The following CFAP46 variants were observed in gnomAD, a reference collection of about 807,000 sequenced individuals.
CFAP46 encodes cilia and flagella associated protein 46, also known as cilia- and flagella-associated protein 46.
Under a neutral mutation model 325.7 loss-of-function variants are expected in CFAP46, and 245 were observed. The observed-to-expected ratio is 0.75, with a 90% CI of 0.68 to 0.84. The LOEUF (loss-of-function observed/expected upper bound fraction) is 0.84, where lower values mean the gene tolerates loss of function less well. Among genes scored for constraint, CFAP46 ranks in the 40% least tolerant of loss-of-function variants. CFAP46 has a pLI of 0.00. For synonymous variants in CFAP46, 1,523 were observed against 1,495.9 expected, an observed-to-expected ratio of 1.02 and a Z score of -0.42; for missense variants, 3,346 against 3,543.0, an observed-to-expected ratio of 0.94 and a Z score of 1.41.
In CFAP46 at chr10:132,857,603, A is replaced by C. The variant is rs1848660797; in HGVS notation, c.5561T>G (p.Leu1854Trp). ...EGRLHSVQGL[L>W]SLQDLQNVNT... ...ACACCTGCTTACGTCTTGAAGTGACAATAGGCCCTGGACGCTGTGAAGCCT... is the reference window on the plus strand; with the variant it reads ...ACACCTGCTTACGTCTTGAAGTGACCATAGGCCCTGGACGCTGTGAAGCCT... The change falls in exon 39 of 58, where the codon TTG (leucine) becomes TGG (tryptophan). Residue 1854 changes from leucine to tryptophan, a missense_variant. Physicochemically the swap from Leu to Trp is moderately conservative, Grantham distance 61. Coordinates refer to ENST00000368586, the MANE Select transcript of CFAP46 (RefSeq NM_001200049.3). 6.2e-7 allele frequency: 1 copy of C among 1,613,560 alleles called. No homozygotes were observed. Among genetic ancestry groups the C allele is most frequent in the East Asian group, 2.2e-5 (1 of 44,880 alleles).
At position 132,909,096 on chromosome 10, in the gene CFAP46, C is replaced by T; in HGVS notation, c.2757+41G>A. 3.4e-6 allele frequency: 5 copies of T among 1,465,130 alleles called. 1 individual carries two copies. Among genetic ancestry groups the T allele is most frequent in the Non-Finnish European group, 4.7e-6 (5 of 1,075,220 alleles). 90.8% of individuals were successfully genotyped at this position (1,465,130 alleles called of 1,614,324 possible). A position where few individuals can be genotyped will look rare whatever the true frequency, so the allele number is the denominator to read the frequency against. ...AGGGCAAGAGCCTCGGCGTCCTCGC[C>T]TCTTGGCCCCTGGCCTCCCGGGACC... On this transcript the variant is annotated intron_variant, in intron 21 of 57. Transcript: ENST00000368586.
Position 132,817,146 on chromosome 10 carries a change from T to C in CFAP46, c.7118-2232A>G, listed in dbSNP as rs1006666789. On this transcript the variant is annotated intron_variant, in intron 50 of 57. Coordinates refer to ENST00000368586, the MANE Select transcript of CFAP46 (RefSeq NM_001200049.3). The surrounding 1 kb of genome is among the most constrained non-coding windows in gnomAD (Gnocchi z 4.4). ...GGCCAACGGCTGCACCCCGCGGTTT[T>C]TGCTTTTTATTGCTTTTTGTATTTA... Among the ~76,000 whole-genome samples the C allele has an allele frequency of 1.3e-5, 2 of 151,602 alleles. No homozygotes were observed. Among genetic ancestry groups the C allele is most frequent in the Non-Finnish European group, 3.0e-5 (2 of 67,744 alleles).
chr10:132,925,647 C>A (rs1228947973), intron 10 of CFAP46, among the ~76,000 whole-genome samples: 2 of 152,288 alleles, frequency 1.3e-5, no homozygotes, highest in Non-Finnish European at 2.9e-5. Flanking sequence ...CCACGTGTGG[C>A]ACCAGCGCAC....
At chr10:132,835,943 C>T (rs1460163378) in intron 46 of CFAP46, among the ~76,000 whole-genome samples, 199 bp downstream of exon 46, 1 of 96,072 alleles carries the variant, frequency 1.0e-5, no homozygotes, top group African/African-American at 4.1e-5. Context: ...CCCCTGCTCC[C>T]CCCTCCCCCC....
Position 132,846,960 on chromosome 10 carries a change from G to GT in CFAP46, c.6238dup (p.Thr2080AsnfsTer76). On this transcript the variant is annotated frameshift_variant, in exon 43 of 58. Transcript: ENST00000368586. LOFTEE classifies it high-confidence loss of function. ...AGACAGAGCCAGGAACTGGCAGGTA[G>GT]TTGCAGGGTCCAGGGTGCCGACACA... 6.2e-7 allele frequency: 1 copy of GT among 1,610,944 alleles called. No individual in the cohort carries two copies. The highest frequency in any genetic ancestry group is 8.5e-7 in the Non-Finnish European group (1 of 1,179,720).
intron 17 of CFAP46, among the ~76,000 whole-genome samples, chr10:132,915,791 C>T (rs904657670): frequency 1.2e-4 from 19 of 152,214 alleles, no homozygotes; most frequent in East Asian, 7.7e-4. Flanking sequence ...AGGGGGACAT[C>T]GAACATTCCC....
rs992615055 is a variant in CFAP46 at position 132,898,850 on chromosome 10, C to T, written c.3219+109G>A. On this transcript the variant is annotated intron_variant, in intron 24 of 57. Coordinates refer to ENST00000368586, the MANE Select transcript of CFAP46 (RefSeq NM_001200049.3). ...TCCTCGGCTGGTGCTGGTGCACCCT[C>T]TGGGAGGCCTGTGGGGTCTGTCTTT... 22 of 1,405,258 alleles carry T rather than the reference C, an allele frequency of 1.6e-5. No individual in the cohort carries two copies. The African/African-American group carries it at 2.8e-4, about 18-fold the overall frequency. The allele number at this position is 1,405,258 out of a possible 1,614,324, so 87.0% of individuals were successfully genotyped here.
intron 50 of CFAP46, among the ~76,000 whole-genome samples, chr10:132,823,359 CTGATGTG>C (rs199524809): frequency 3.4e-5 from 3 of 88,502 alleles, no homozygotes; most frequent in Admixed American, 1.5e-4. Flanking sequence ...GTGCTGAGTG[CTGATGTG>C]TGCTGTGTGC....
rs1849682289 is a variant in CFAP46 at position 132,919,188 on chromosome 10, G to A, written c.1858+127C>T. 2.9e-6 allele frequency: 3 copies of A among 1,020,500 alleles called. No homozygotes were observed. The highest frequency in any genetic ancestry group is 4.1e-6 in the Non-Finnish European group (3 of 737,364). 63.2% of individuals were successfully genotyped at this position (1,020,500 alleles called of 1,614,324 possible). A position where few individuals can be genotyped will look rare whatever the true frequency, so the allele number is the denominator to read the frequency against. On this transcript the variant is annotated intron_variant, in intron 15 of 57. Transcript: ENST00000368586. The surrounding 1 kb of genome is among the most constrained non-coding windows in gnomAD (Gnocchi z 9.7). ...ATAATTAGTGGGAACTGCTACCATTGTGACTTAGCAATACGCTTTCTCATG... is the reference window on the plus strand; with the variant it reads ...ATAATTAGTGGGAACTGCTACCATTATGACTTAGCAATACGCTTTCTCATG...
intron 57 of CFAP46, 72 bp downstream of exon 57, chr10:132,810,337 G>T: frequency 1.5e-6 from 2 of 1,290,852 alleles, no homozygotes; most frequent in Non-Finnish European, 1.1e-6. Flanking sequence ...GGGCTGTGCA[G>T]TGCACGTGCC....
At chr10:132,937,307 TA>T in intron 6 of CFAP46, 1 of 557,550 alleles carries the variant, frequency 1.8e-6, no homozygotes, top group Non-Finnish European at 3.1e-6. Context: ...ACAAAGGAAA[TA>T]TTTAAAGAGC....
intron 7 of CFAP46, among the ~76,000 whole-genome samples, chr10:132,936,263 T>C (rs1317055899): frequency 1.4e-5 from 1 of 70,398 alleles, no homozygotes; most frequent in Non-Finnish European, 2.7e-5. Context: ...TCCCCTCACA[T>C]CCAAACACAC....
At chr10:132,837,256 C>A (rs1471120971) in intron 44 of CFAP46, among the ~76,000 whole-genome samples, 1 of 152,246 alleles carries the variant, frequency 6.6e-6, no homozygotes, top group Non-Finnish European at 1.5e-5. Flanking sequence ...GTGAGTGGTG[C>A]CTTTCCCTCC....
chr10:132,913,443 C>G (rs565810887), intron 17 of CFAP46, among the ~76,000 whole-genome samples, 185 bp from the exon 18 acceptor site: 1 of 152,204 alleles, frequency 6.6e-6, no homozygotes, highest in Non-Finnish European at 1.5e-5. Flanking sequence ...ACCTGAGCCC[C>G]GCCTCCCGTC....
chr10:132,811,519 G>A lies in CFAP46; in HGVS notation c.7502-488C>T, dbSNP rs1237025515. ...GGCTCCTGGGATGCAGGGGAGCCCC[G>A]GGCACTGGGCATGAGCTGGTCACCC... On this transcript the variant is annotated intron_variant, in intron 55 of 57. Coordinates refer to ENST00000368586, the MANE Select transcript of CFAP46 (RefSeq NM_001200049.3). Among the ~76,000 whole-genome samples, 8 of 152,198 alleles carry A rather than the reference G, an allele frequency of 5.3e-5. No individual in the cohort carries two copies. The East Asian group carries it at 7.7e-4, about 15-fold the overall frequency.
chr10:132,926,731 G>T, intron 9 of CFAP46, 65 bp from the exon 10 acceptor site: 2 of 1,175,982 alleles, frequency 1.7e-6, no homozygotes, highest in Non-Finnish European at 2.5e-6. Flanking sequence ...GTACATTCAT[G>T]AAATTCAAAG....
rs939455711 is a variant in CFAP46 at position 132,877,580 on chromosome 10, G to A, written c.4212+301C>T. 6.6e-6 allele frequency among the ~76,000 whole-genome samples: 1 copy of A among 152,198 alleles called. No homozygotes were observed. The highest frequency in any genetic ancestry group is 1.5e-5 in the Non-Finnish European group (1 of 68,028). ...CATTACGTGGCTAGCTCCAGGCCCG[G>A]GATTCCTGCCAGGGACAAGCCAGGG... On this transcript the variant is annotated intron_variant, in intron 30 of 57. Coordinates refer to ENST00000368586, the MANE Select transcript of CFAP46 (RefSeq NM_001200049.3). The surrounding 1 kb of genome is among the most constrained non-coding windows in gnomAD (Gnocchi z 5.7).
Position 132,878,032 on chromosome 10 carries a change from G to C in CFAP46, c.4061C>G (p.Thr1354Ser). 6.5e-7 allele frequency: 1 copy of C among 1,548,158 alleles called. No homozygotes were observed. Among genetic ancestry groups the C allele is most frequent in the Admixed American group, 2.0e-5 (1 of 50,842 alleles). Residue 1354 changes from threonine (T) to serine (S), a missense_variant, in exon 30 of 58, where the codon ACC becomes AGC. Thr to Ser is a moderately conservative substitution (Grantham distance 58). Coordinates refer to ENST00000368586, the MANE Select transcript of CFAP46 (RefSeq NM_001200049.3). ...SVLENRPLAA[T>S]SSHLLLPKKE... ...TTTAGGCAATAACAGATGTGAGCTG[G>C]TTGCTGCCAGGGGTCTGTTTTCCAG...
In CFAP46 at chr10:132,942,563, C is replaced by T; in HGVS notation, c.-79G>A. On this transcript the variant is annotated 5_prime_UTR_variant, in exon 1 of 58. Coordinates refer to ENST00000368586, the MANE Select transcript of CFAP46 (RefSeq NM_001200049.3). ...GCCCACTGTCGGTTGGGTTCTCCAG[C>T]CGCGAGGACCCGGCCACGGTTGCCT... is the stretch of plus-strand genomic sequence containing the variant. The T allele has an allele frequency of 8.6e-7, 1 of 1,165,024 alleles. No homozygotes were observed. The highest frequency in any genetic ancestry group is 3.2e-5 in the East Asian group (1 of 31,388). The allele number at this position is 1,165,024 out of a possible 1,614,324, so 72.2% of individuals were successfully genotyped here.
Sources: gnomAD v4.1 joint callset for allele counts (sites outside exome capture counted in the v4.1 genomes callset) on GRCh38, gnomAD v4.1.1 for gene constraint, Gnocchi (gnomAD v3.1) non-coding constraint, MANE v1.5 for transcripts, NCBI Gene and HGNC (gene_info 2026-07-23, HGNC 2026-07-21) for gene names.